The following FNIP1 variants were observed in gnomAD, a reference collection of about 807,000 sequenced individuals.
FNIP1 encodes folliculin-interacting protein 1.
In FNIP1, 40 loss-of-function variants were observed where a neutral mutation model predicts 124.5. The observed-to-expected ratio is 0.32, with a 90% confidence interval of 0.25 to 0.42. The LOEUF (loss-of-function observed/expected upper bound fraction) is 0.42. Ranked by LOEUF, FNIP1 falls within the 10% of genes least tolerant of loss-of-function variation. The pLI is 1.00. For synonymous variants in FNIP1, 472 were observed against 470.6 expected, an observed-to-expected ratio of 1.00 and a Z score of -0.04; for missense variants, 1,176 against 1,403.7, an observed-to-expected ratio of 0.84 and a Z score of 2.59.
At chr5:131,647,528 G>A (rs753323849) in intron 16 of FNIP1, among the ~76,000 whole-genome samples, 1 of 151,818 alleles carries the variant, frequency 6.6e-6, no homozygotes, top group African/African-American at 2.4e-5. Flanking sequence ...AGGCTGGAGT[G>A]CAAAGCGCGA....
intron 1 of FNIP1, among the ~76,000 whole-genome samples, chr5:131,758,926 C>G (rs74384576): frequency 7.0e-4 from 107 of 152,000 alleles, no homozygotes; most frequent in African/African-American, 2.1e-3. Flanking sequence ...ATGTAGCCCT[C>G]AAAAGGGCCA....
At chr5:131,709,156 C>A in intron 8 of FNIP1, 45 bp downstream of exon 8, 1 of 1,499,670 alleles carries the variant, frequency 6.7e-7, no homozygotes, top group South Asian at 1.1e-5. Flanking sequence ...AAATCAATGC[C>A]AACAGTAATC....
At chr5:131,747,243 C>T (rs1482733666) in intron 1 of FNIP1, among the ~76,000 whole-genome samples, 3 of 152,156 alleles carry the variant, frequency 2.0e-5, no homozygotes, top group African/African-American at 7.2e-5. Context: ...CACAATTCTT[C>T]ACTTCCTTAA....
intron 2 of FNIP1, among the ~76,000 whole-genome samples, chr5:131,734,233 G>C (rs557269486): frequency 6.6e-6 from 1 of 151,544 alleles, no homozygotes; most frequent in South Asian, 2.1e-4. Flanking sequence ...CTTATTAGTC[G>C]TGCTAGCGGT....
intron 11 of FNIP1, among the ~76,000 whole-genome samples, chr5:131,682,286 G>T (rs1361710136): frequency 6.6e-6 from 1 of 152,140 alleles, no homozygotes; most frequent in Non-Finnish European, 1.5e-5. Context: ...CTTTGCTTTA[G>T]TATTTTAGTA....
intron 11 of FNIP1, among the ~76,000 whole-genome samples, chr5:131,683,476 C>T (rs764260703): frequency 1.3e-5 from 2 of 150,414 alleles, no homozygotes; most frequent in Non-Finnish European, 3.0e-5. Flanking sequence ...TGGTGTGAAC[C>T]CGGGAGGCAG....
intron 8 of FNIP1, among the ~76,000 whole-genome samples, chr5:131,708,109 G>A (rs1044304251): frequency 7.2e-5 from 11 of 152,154 alleles, no homozygotes; most frequent in African/African-American, 2.7e-4. Context: ...AGAATCAAGT[G>A]TTAGGTTTTG....
chr5:131,779,355 C>T lies in FNIP1; in HGVS notation c.92+17475G>A, dbSNP rs191065264. On this transcript the variant is annotated intron_variant, in intron 1 of 17. Transcript: ENST00000510461. The stretch of plus-strand genomic sequence containing the variant: ...TTTTTAGATCTATTAGTAATTGTTT[C>T]AAGATTCATATTCAAGGATGTATAC... Among the ~76,000 whole-genome samples the T allele has an allele frequency of 5.9e-5, 9 of 151,938 alleles. No homozygotes were observed. In the East Asian group the frequency reaches 1.7e-3, roughly 29 times the overall value.
intron 11 of FNIP1, among the ~76,000 whole-genome samples, chr5:131,683,574 C>T (rs924350876): frequency 1.3e-5 from 2 of 148,720 alleles, no homozygotes; most frequent in South Asian, 2.1e-4. Flanking sequence ...AAAAAAAAAC[C>T]ATCTCTAGAG....
At chr5:131,660,488 A>C (rs980802528) in intron 15 of FNIP1, among the ~76,000 whole-genome samples, 1 of 152,052 alleles carries the variant, frequency 6.6e-6, no homozygotes, top group African/African-American at 2.4e-5. Flanking sequence ...ATTTGGCCCC[A>C]GTAGGATAGC....
At chr5:131,754,767 A>T (rs539310639) in intron 1 of FNIP1, among the ~76,000 whole-genome samples, 55 of 152,370 alleles carry the variant, frequency 3.6e-4, no homozygotes, top group Non-Finnish European at 7.3e-4. Context: ...AAGGTTTTAA[A>T]CAATAGCTGA....
intron 15 of FNIP1, among the ~76,000 whole-genome samples, chr5:131,662,172 G>T (rs1420305887): frequency 1.3e-5 from 2 of 152,112 alleles, no homozygotes; most frequent in Non-Finnish European, 2.9e-5. Flanking sequence ...GGTGAGTTTT[G>T]TCTGAAAAGG....
intron 1 of FNIP1, among the ~76,000 whole-genome samples, chr5:131,754,918 G>T (rs1770993313): frequency 6.6e-6 from 1 of 152,194 alleles, no homozygotes; most frequent in Admixed American, 6.5e-5. Context: ...ATCTTATTTA[G>T]AAGGCAGAGA....
rs572854109 is a variant in FNIP1, at chr5:131,698,459, C to T, written c.1202+458G>A. 5.3e-5 allele frequency among the ~76,000 whole-genome samples: 8 copies of T among 152,276 alleles called. No individual in the cohort carries two copies. The East Asian group carries it at 7.7e-4, about 15-fold the overall frequency. On this transcript the variant is annotated intron_variant, in intron 11 of 17. Coordinates refer to ENST00000510461, the MANE Select transcript of FNIP1 (RefSeq NM_133372.3). ...GCTTTGTTGAGCCAGAAAACCCTAG[C>T]GGAAGGACTATTCACTGTGCCATAT...
intron 15 of FNIP1, among the ~76,000 whole-genome samples, chr5:131,659,076 G>C (rs1472002141): frequency 6.6e-6 from 1 of 152,162 alleles, no homozygotes; most frequent in Non-Finnish European, 1.5e-5. Context: ...CGATGGAGAG[G>C]CCAGACTCAT....
intron 11 of FNIP1, among the ~76,000 whole-genome samples, chr5:131,689,690 G>A (rs910742886): frequency 6.6e-6 from 1 of 152,146 alleles, no homozygotes; most frequent in Admixed American, 6.6e-5. Context: ...TAAAAGAGGA[G>A]AGAAAAATGG....
At chr5:131,720,612 T>C (rs1336606185) in intron 3 of FNIP1, among the ~76,000 whole-genome samples, 5 of 152,178 alleles carry the variant, frequency 3.3e-5, no homozygotes, top group Non-Finnish European at 7.4e-5. Flanking sequence ...TTGCAAACCA[T>C]GTATCTGATA....
chr5:131,646,743 C>T (rs1433512583), intron 17 of FNIP1, among the ~76,000 whole-genome samples: 2 of 152,154 alleles, frequency 1.3e-5, no homozygotes, highest in African/African-American at 4.8e-5. Flanking sequence ...ACTTCTGTTA[C>T]CTCAACCAGC....
In FNIP1 at chr5:131,688,702, TA is replaced by T. The variant is rs61408307; in HGVS notation, c.1203-9528del. Among the ~76,000 whole-genome samples, 134 of 130,236 alleles carry T rather than the reference TA, an allele frequency of 1.0e-3. 1 individual carries two copies. The highest frequency in any genetic ancestry group is 1.8e-3 in the East Asian group (8 of 4,548). 85.4% of individuals were successfully genotyped at this position (130,236 alleles called of 152,430 possible). On this transcript the variant is annotated intron_variant, in intron 11 of 17. Transcript: ENST00000510461. ...AAAATCAAAAGGAAATGCTAGCAAT[TA>T]AAAAAAAAAAAAAAAGGAGCAGGAA...
Sources: gnomAD v4.1 joint callset for allele counts (sites outside exome capture counted in the v4.1 genomes callset) on GRCh38, gnomAD v4.1.1 for gene constraint, MANE v1.5 for transcripts, NCBI Gene and HGNC (gene_info 2026-07-23, HGNC 2026-07-21) for gene names.